SPSB4: variants seen among roughly 807,000 people sequenced by gnomAD.
SPSB4 encodes SPRY domain-containing SOCS box protein 4.
In SPSB4, 21 loss-of-function variants were observed where a neutral mutation model predicts 20.9. The ratio of observed to expected loss-of-function variants is 1.01; its 90% CI spans 0.71 to 1.45. SPSB4 has a LOEUF of 1.45. SPSB4 is among the 40% of genes most tolerant of loss of function. The probability of loss-of-function intolerance (pLI) is 0.00; values close to 1 mark genes in which losing one functional copy is unlikely to be tolerated. For synonymous variants in SPSB4, 207 were observed against 183.8 expected (o/e 1.13, Z -1.02); for missense variants, 399 against 399.2 (o/e 1.00, Z 0.00).
At chr3:141,063,795 A>C (rs1028219769) in intron 1 of SPSB4, among the ~76,000 whole-genome samples, 2 of 152,132 alleles carry the variant, frequency 1.3e-5, no homozygotes, top group Non-Finnish European at 2.9e-5. Context: ...TTTGCAGGAG[A>C]CACATGTGGA....
At chr3:141,105,070 A>G (rs1211138938) in intron 2 of SPSB4, among the ~76,000 whole-genome samples, 2 of 152,216 alleles carry the variant, frequency 1.3e-5, no homozygotes, top group Non-Finnish European at 2.9e-5. Flanking sequence ...GAATGAGGAG[A>G]CTGAGTTCCT....
At chr3:141,068,732 C>T (rs1376979999) in intron 2 of SPSB4, among the ~76,000 whole-genome samples, 1 of 152,222 alleles carries the variant, frequency 6.6e-6, no homozygotes, top group African/African-American at 2.4e-5. Context: ...TGGGAGCTAC[C>T]AGAGCCAAGA....
intron 2 of SPSB4, among the ~76,000 whole-genome samples, chr3:141,068,002 C>G (rs911684445): frequency 1.3e-5 from 2 of 152,214 alleles, no homozygotes; most frequent in Non-Finnish European, 2.9e-5. Context: ...GAAGTCCACT[C>G]GTTTCCTATG....
chr3:141,069,448 A>C (rs60226518), intron 2 of SPSB4, among the ~76,000 whole-genome samples: 1,975 of 152,288 alleles, frequency 0.013, 42 homozygotes, highest in African/African-American at 0.045. Flanking sequence ...GTGCATGGAA[A>C]GGATTCTGAG....
chr3:141,146,156 C>A (rs1396058298), intron 2 of SPSB4, among the ~76,000 whole-genome samples: 2 of 151,528 alleles, frequency 1.3e-5, no homozygotes, highest in Admixed American at 6.6e-5. Flanking sequence ...CAGGGCTAAT[C>A]AAAGGGCCTG....
Position 141,141,993 on chromosome 3 carries a change from C to A in SPSB4, c.695-5149C>A, listed in dbSNP as rs150534945. ...CAGTTTTGTTTATCTTTTCAAAGAACTGGCTTTTTGTTTTATTTATCTTTT... is the reference window on the plus strand; with the variant it reads ...CAGTTTTGTTTATCTTTTCAAAGAAATGGCTTTTTGTTTTATTTATCTTTT... On this transcript the variant is annotated intron_variant, in intron 2 of 2. Transcript: ENST00000310546. Among the ~76,000 whole-genome samples, 1,451 of 152,202 alleles carry A rather than the reference C, an allele frequency of 9.5e-3. 26 individuals are homozygous for A. Among genetic ancestry groups the A allele is most frequent in the African/African-American group, 0.034 (1,392 of 41,534 alleles).
In SPSB4 at chr3:141,147,380, C is replaced by T. The variant is rs574930842; in HGVS notation, c.*111C>T. On this transcript the variant is annotated 3_prime_UTR_variant, in exon 3 of 3. Coordinates refer to ENST00000310546, the MANE Select transcript of SPSB4 (RefSeq NM_080862.3). The stretch of plus-strand genomic sequence containing the variant: ...AAAGGATCTACCCTTCTCCTGGCTC[C>T]CCAGGACACTCAGTTCTTTCAAAGA... The T allele has an allele frequency of 2.0e-6, 3 of 1,504,788 alleles. No homozygotes were observed. Among genetic ancestry groups the T allele is most frequent in the Non-Finnish European group, 2.7e-6 (3 of 1,113,366 alleles). The allele number at this position is 1,504,788 out of a possible 1,614,324, so 93.2% of individuals were successfully genotyped here. A position where few individuals can be genotyped will look rare whatever the true frequency, so the allele number is the denominator to read the frequency against.
intron 2 of SPSB4, among the ~76,000 whole-genome samples, chr3:141,098,173 T>C (rs1938571579): frequency 6.6e-6 from 1 of 152,258 alleles, no homozygotes; most frequent in Non-Finnish European, 1.5e-5. Flanking sequence ...TTTTAATTAC[T>C]GCAATGCTAT....
intron 2 of SPSB4, among the ~76,000 whole-genome samples, chr3:141,108,971 A>G (rs1250196347): frequency 6.6e-6 from 1 of 152,256 alleles, no homozygotes; most frequent in Non-Finnish European, 1.5e-5. Context: ...GTCAGCAAAG[A>G]GACCAGATCA....
intron 2 of SPSB4, among the ~76,000 whole-genome samples, chr3:141,096,074 T>C (rs2311494): frequency 1.3e-5 from 2 of 151,694 alleles, no homozygotes; most frequent in African/African-American, 4.8e-5. Context: ...AAGGGACCAG[T>C]TGGGTGAGTG....
chr3:141,134,018 C>CTTTT (rs1228757184), intron 2 of SPSB4, among the ~76,000 whole-genome samples: 2 of 56,484 alleles, frequency 3.5e-5, no homozygotes, highest in African/African-American at 6.9e-5. Flanking sequence ...AGTATTTTTC[C>CTTTT]TTTTTTTTTT....
chr3:141,123,522 A>ACCTGATATCTGGTAGACAAGT, intron 2 of SPSB4, among the ~76,000 whole-genome samples: 1 of 152,302 alleles, frequency 6.6e-6, no homozygotes, highest in Admixed American at 6.5e-5. Context: ...GTGTTAAGTA[A>ACCTGATATCTGGTAGACAAGT]CCTGATATCT....
At chr3:141,055,562 G>T (rs1210907978) in intron 1 of SPSB4, among the ~76,000 whole-genome samples, 1 of 152,194 alleles carries the variant, frequency 6.6e-6, no homozygotes, top group Non-Finnish European at 1.5e-5. Flanking sequence ...ATGGAGAGTG[G>T]GTTGGCGGGC....
Position 141,134,281 on chromosome 3 carries a change from C to T in SPSB4, c.695-12861C>T, listed in dbSNP as rs540488467. ...GCAAATAGCAACAGTTTGACTTCCTCTTTACAGATTTAGATGCCCTTTGTT... is the reference window on the plus strand; with the variant it reads ...GCAAATAGCAACAGTTTGACTTCCTTTTTACAGATTTAGATGCCCTTTGTT... On this transcript the variant is annotated intron_variant, in intron 2 of 2. Coordinates refer to ENST00000310546, the MANE Select transcript of SPSB4 (RefSeq NM_080862.3). Among the ~76,000 whole-genome samples, 6 of 152,132 alleles carry T rather than the reference C, an allele frequency of 3.9e-5. No homozygotes were observed. In the East Asian group the frequency reaches 7.7e-4, roughly 20 times the overall value.
At chr3:141,062,821 T>C (rs1937790174) in intron 1 of SPSB4, among the ~76,000 whole-genome samples, 1 of 152,230 alleles carries the variant, frequency 6.6e-6, no homozygotes, top group South Asian at 2.1e-4. Flanking sequence ...GATCATTCCA[T>C]GAACACTTGA....
At chr3:141,073,384 T>G (rs1351777000) in intron 2 of SPSB4, among the ~76,000 whole-genome samples, 1 of 152,234 alleles carries the variant, frequency 6.6e-6, no homozygotes, top group Non-Finnish European at 1.5e-5. Flanking sequence ...ATTTTTTCTC[T>G]TTTTAAAATT....
intron 2 of SPSB4, among the ~76,000 whole-genome samples, chr3:141,077,916 G>T (rs1198822944): frequency 6.6e-6 from 1 of 152,218 alleles, no homozygotes; most frequent in Non-Finnish European, 1.5e-5. Flanking sequence ...AACCGCTCAG[G>T]CACCCCATCA....
intron 2 of SPSB4, among the ~76,000 whole-genome samples, chr3:141,093,272 GACA>G (rs143067427): frequency 0.024 from 3,647 of 151,896 alleles, 219 homozygotes; most frequent in East Asian, 0.14. Context: ...TGAATATGAT[GACA>G]ACAACAATAA....
intron 2 of SPSB4, among the ~76,000 whole-genome samples, chr3:141,103,949 A>T (rs966695262): frequency 6.6e-6 from 1 of 152,154 alleles, no homozygotes; most frequent in Non-Finnish European, 1.5e-5. Context: ...CAAAGAGATC[A>T]TGCTCAAAGT....
Sources: gnomAD v4.1 joint callset for allele counts (sites outside exome capture counted in the v4.1 genomes callset) on GRCh38, gnomAD v4.1.1 for gene constraint, MANE v1.5 for transcripts, NCBI Gene and HGNC (gene_info 2026-07-23, HGNC 2026-07-21) for gene names.